Variants in PPL observed in about 807,000 individuals in gnomAD.
PPL encodes 190 kDa paraneoplastic pemphigus antigen.
Under a neutral mutation model 194.4 loss-of-function variants are expected in PPL, and 198 were observed. The observed-to-expected ratio is 1.02, with a 90% CI of 0.91 to 1.15. The LOEUF (loss-of-function observed/expected upper bound fraction) is 1.15. PPL is among the 50% of genes most tolerant of loss of function. The probability of loss-of-function intolerance (pLI) is 0.00; values close to 1 mark genes in which losing one functional copy is unlikely to be tolerated. For missense variants in PPL, 2,885 were observed against 2,294.8 expected, an observed-to-expected ratio of 1.26 and a Z score of -5.25; for synonymous variants, 1,220 against 972.4, an observed-to-expected ratio of 1.25 and a Z score of -4.74.
At chr16:4,918,499 A>G (rs914798104) in intron 1 of PPL, among the ~76,000 whole-genome samples, 3 of 152,160 alleles carry the variant, frequency 2.0e-5, no homozygotes, top group Admixed American at 6.6e-5. Flanking sequence ...TAGCTCATCA[A>G]TCCTACCAGC....
At position 4,885,911 on chromosome 16, in the gene PPL, C is replaced by A. The variant is rs146440585; in HGVS notation, c.2744G>T (p.Ser915Ile). Reference sequence around the variant, plus strand: ...CAAGGTCCAGATTTCTTCCTGGGTGCTCTTGACCTCGTTCTCCAGCTGCCG... The same window carrying A: ...CAAGGTCCAGATTTCTTCCTGGGTGATCTTGACCTCGTTCTCCAGCTGCCG... Reference protein sequence around the residue: ...RRRQLENEVKSTQEEIWTLRN... With the variant: ...RRRQLENEVKITQEEIWTLRN... The change falls in exon 22 of 22, where the codon AGC becomes ATC. Residue 915 changes from serine (S) to isoleucine (I), a missense_variant. Transcript: ENST00000345988. This position sits in a 1 kb window ranked among gnomAD's most constrained non-coding sequence, Gnocchi z 6.3. The A allele has an allele frequency of 7.3e-4, 1,183 of 1,611,590 alleles. 1 individual carries two copies. Among genetic ancestry groups the A allele is most frequent in the Non-Finnish European group, 9.2e-4 (1,080 of 1,180,016 alleles).
In PPL at chr16:4,895,725, G is replaced by A; in HGVS notation, c.973-9C>T. ...TTCACGTCTTCGTGAAACTAGGGGAGAAGGTGGCTCTGTTACAGCCAGGAA... is the reference window on the plus strand; with the variant it reads ...TTCACGTCTTCGTGAAACTAGGGGAAAAGGTGGCTCTGTTACAGCCAGGAA... On this transcript the variant is annotated splice_polypyrimidine_tract_variant and intron_variant, in intron 9 of 21. Transcript: ENST00000345988. 1 of 1,613,784 alleles carries A rather than the reference G, an allele frequency of 6.2e-7. No individual in the cohort carries two copies. Among genetic ancestry groups the A allele is most frequent in the Non-Finnish European group, 8.5e-7 (1 of 1,180,014 alleles).
At chr16:4,927,253 G>T (rs1273224529) in intron 1 of PPL, among the ~76,000 whole-genome samples, 1 of 152,184 alleles carries the variant, frequency 6.6e-6, no homozygotes, top group Non-Finnish European at 1.5e-5. Flanking sequence ...AAAGAATGGA[G>T]AGTGACATAC....
At chr16:4,899,713 T>TAAAA (rs2088517916) in intron 6 of PPL, among the ~76,000 whole-genome samples, 1 of 152,212 alleles carries the variant, frequency 6.6e-6, no homozygotes, top group Non-Finnish European at 1.5e-5. Context: ...TGTGAAGGCT[T>TAAAA]AGTTCGCCCA....
rs970293461 is a variant in PPL, at chr16:4,897,608, T to A, written c.972+67A>T. ...AGCACGAGGCCACACATGAGCCAGGTAGGCACTGAGCGCTCTCAGAGAGTA... is the reference window on the plus strand; with the variant it reads ...AGCACGAGGCCACACATGAGCCAGGAAGGCACTGAGCGCTCTCAGAGAGTA... On this transcript the variant is annotated intron_variant, in intron 9 of 21. Coordinates refer to ENST00000345988, the MANE Select transcript of PPL (RefSeq NM_002705.5). 4 of 1,278,670 alleles carry A rather than the reference T, an allele frequency of 3.1e-6. No individual in the cohort carries two copies. In the African/African-American group the frequency reaches 5.9e-5, roughly 19 times the overall value. The allele number at this position is 1,278,670 out of a possible 1,614,324, so 79.2% of individuals were successfully genotyped here.
chr16:4,883,195 G>T lies in PPL; in HGVS notation c.*189C>A. On this transcript the variant is annotated 3_prime_UTR_variant, in exon 22 of 22. Transcript: ENST00000345988. The surrounding 1 kb of genome is among the most constrained non-coding windows in gnomAD (Gnocchi z 4.8). ...GTCACTCAGGGTGAATGATGGTTGG[G>T]ACGAGAGTTGCCTGTCTTCAGCCAG... 1 of 685,122 alleles carries T rather than the reference G, an allele frequency of 1.5e-6. No individual in the cohort carries two copies. The highest frequency in any genetic ancestry group is 2.4e-6 in the Non-Finnish European group (1 of 411,488). The allele number at this position is 685,122 out of a possible 1,614,324, so 42.4% of individuals were successfully genotyped here. A position where few individuals can be genotyped will look rare whatever the true frequency, so the allele number is the denominator to read the frequency against.
chr16:4,936,188 A>G (rs1036025097), intron 1 of PPL, among the ~76,000 whole-genome samples: 8 of 152,198 alleles, frequency 5.3e-5, no homozygotes, highest in African/African-American at 1.9e-4. Context: ...CCCGCGGCTC[A>G]GAGACGCCGC....
Position 4,902,596 on chromosome 16 carries a change from C to T in PPL, c.318-70G>A, listed in dbSNP as rs1028624708. ...CCTGCACCCCAGGAGGGGCCCCCCA[C>T]CCAGACCCCGGCCTCAGTGTCCTGG... On this transcript the variant is annotated intron_variant, in intron 3 of 21. Transcript: ENST00000345988. The surrounding 1 kb of genome is among the most constrained non-coding windows in gnomAD (Gnocchi z 4.0). 72 of 1,561,632 alleles carry T rather than the reference C, an allele frequency of 4.6e-5. No individual in the cohort carries two copies. The highest frequency in any genetic ancestry group is 1.8e-4 in the Middle Eastern group (1 of 5,444).
chr16:4,890,895 C>T lies in PPL; in HGVS notation c.1995G>A (p.Gln665=). 6.5e-7 allele frequency: 1 copy of T among 1,535,516 alleles called. No individual in the cohort carries two copies. The highest frequency in any genetic ancestry group is 2.5e-5 in the East Asian group (1 of 40,460). Residue 665 remains glutamine (Q), a synonymous_variant, in exon 17 of 22, where the codon CAG becomes CAA. Transcript: ENST00000345988. ...LAAMACELQA[Q]KSLLGEVEQN... ...GCTCCACCTCACCCAGGAGGGACTT[C>T]TGGGCCTGTAACTCACAGGCCATGG... is the stretch of plus-strand genomic sequence containing the variant.
chr16:4,928,566 G>A (rs1156293882), intron 1 of PPL, among the ~76,000 whole-genome samples: 1 of 152,246 alleles, frequency 6.6e-6, no homozygotes, highest in African/African-American at 2.4e-5. Flanking sequence ...CCACTGCCTG[G>A]GCTAGGATTT....
chr16:4,885,321 T>A lies in PPL; in HGVS notation c.3334A>T (p.Ile1112Phe), dbSNP rs752911907. The A allele has an allele frequency of 1.2e-6, 2 of 1,612,490 alleles. No homozygotes were observed. The highest frequency in any genetic ancestry group is 4.5e-5 in the East Asian group (2 of 44,820). The change falls in exon 22 of 22, where the codon ATC becomes TTC. Residue 1112 changes from isoleucine (I) to phenylalanine (F), a missense_variant. Physicochemically the swap from Ile to Phe is conservative, Grantham distance 21 (BLOSUM62 0). Coordinates refer to ENST00000345988, the MANE Select transcript of PPL (RefSeq NM_002705.5). The surrounding 1 kb of genome is among the most constrained non-coding windows in gnomAD (Gnocchi z 6.3). Reference protein sequence around the residue: ...EKERAMAEGKITVKEVLKVEK... With the variant: ...EKERAMAEGKFTVKEVLKVEK... ...ACCTTGAGCACCTCCTTGACGGTGA[T>A]CTTGCCCTCGGCCATGGCCCGCTCC...
chr16:4,921,098 C>G (rs116400549), intron 1 of PPL, among the ~76,000 whole-genome samples: 1 of 152,242 alleles, frequency 6.6e-6, no homozygotes, highest in Non-Finnish European at 1.5e-5. Flanking sequence ...TTTTCCCTAG[C>G]TTTTTCCTTC....
At chr16:4,894,292 G>A (rs2088376606) in intron 12 of PPL, among the ~76,000 whole-genome samples, 175 bp downstream of exon 12, 2 of 152,168 alleles carry the variant, frequency 1.3e-5, no homozygotes, top group Non-Finnish European at 2.9e-5. Context: ...TAGCAAGTCA[G>A]CTGGCCCACA....
At position 4,895,691 on chromosome 16, in the gene PPL, T is replaced by G; in HGVS notation, c.998A>C (p.Gln333Pro). The G allele has an allele frequency of 6.2e-7, 1 of 1,613,984 alleles. No homozygotes were observed. Among genetic ancestry groups the G allele is most frequent in the Non-Finnish European group, 8.5e-7 (1 of 1,180,024 alleles). The change falls in exon 10 of 22, where the codon CAG becomes CCG. Residue 333 changes from glutamine to proline, a missense_variant. Physicochemically the swap from Gln to Pro is moderately conservative, Grantham distance 76 (BLOSUM62 -1). Transcript: ENST00000345988. Reference sequence around the variant, plus strand: ...CGAGTCCACCTTGCGCAGCAGCTCCTGAGCGTCCTTCACGTCTTCGTGAAA... The same window carrying G: ...CGAGTCCACCTTGCGCAGCAGCTCCGGAGCGTCCTTCACGTCTTCGTGAAA... ...HQFHEDVKDA[Q>P]ELLRKVDSDL... is the part of the protein sequence containing the mutation.
At position 4,902,579 on chromosome 16, in the gene PPL, C is replaced by G; in HGVS notation, c.318-53G>C. On this transcript the variant is annotated intron_variant, in intron 3 of 21. Coordinates refer to ENST00000345988, the MANE Select transcript of PPL (RefSeq NM_002705.5). The surrounding 1 kb of genome is among the most constrained non-coding windows in gnomAD (Gnocchi z 4.0). Reference sequence around the variant, plus strand: ...GGGGCTGGTTGGCACTGCCTGCACCCCAGGAGGGGCCCCCCACCCAGACCC... The same window carrying G: ...GGGGCTGGTTGGCACTGCCTGCACCGCAGGAGGGGCCCCCCACCCAGACCC... The G allele has an allele frequency of 6.3e-7, 1 of 1,585,208 alleles. No homozygotes were observed. The highest frequency in any genetic ancestry group is 8.6e-7 in the Non-Finnish European group (1 of 1,164,612).
At chr16:4,935,418 G>A (rs138771071) in intron 1 of PPL, among the ~76,000 whole-genome samples, 5 of 152,136 alleles carry the variant, frequency 3.3e-5, no homozygotes, top group Admixed American at 1.3e-4. Context: ...AGGACAGAAC[G>A]GTTCTCCACG....
chr16:4,893,687 G>T, intron 12 of PPL, 49 bp from the exon 13 acceptor site: 1 of 1,485,370 alleles, frequency 6.7e-7, no homozygotes, highest in Non-Finnish European at 9.1e-7. Flanking sequence ...ACCACCCCCT[G>T]CACCCACAGA....
intron 3 of PPL, among the ~76,000 whole-genome samples, chr16:4,903,033 G>C (rs1467397119): frequency 9.9e-5 from 15 of 152,174 alleles, no homozygotes. Context: ...AGTTTCCTGA[G>C]GGCCTACTAT....
In PPL at chr16:4,883,349, G is replaced by A; in HGVS notation, c.*35C>T. 1 of 1,610,956 alleles carries A rather than the reference G, an allele frequency of 6.2e-7. No homozygotes were observed. The highest frequency in any genetic ancestry group is 1.1e-5 in the South Asian group (1 of 90,958). On this transcript the variant is annotated 3_prime_UTR_variant, in exon 22 of 22. Coordinates refer to ENST00000345988, the MANE Select transcript of PPL (RefSeq NM_002705.5). This position sits in a 1 kb window ranked among gnomAD's most constrained non-coding sequence, Gnocchi z 4.8. ...GTCACTGCGTCGTAGGAGAGGGCCA[G>A]CGTCTGCCGTTACGAAGAGTTGCAA...
Sources: gnomAD v4.1 joint callset for allele counts (sites outside exome capture counted in the v4.1 genomes callset) on GRCh38, gnomAD v4.1.1 for gene constraint, Gnocchi (gnomAD v3.1) non-coding constraint, MANE v1.5 for transcripts, NCBI Gene and HGNC (gene_info 2026-07-23, HGNC 2026-07-21) for gene names.